The following HPSE2 variants were observed in gnomAD, a reference collection of about 807,000 sequenced individuals.
The protein encoded by HPSE2 is heparanase 2 (inactive), also known as inactive heparanase-2.
A neutral mutation model predicts 60.5 loss-of-function variants in HPSE2; 38 were observed. That is an observed-to-expected ratio of 0.63 (90% CI 0.48 to 0.82). The LOEUF is 0.82. HPSE2 is among the 40% of genes least tolerant of loss of function. The pLI, the probability that HPSE2 is intolerant of heterozygous loss-of-function variation, is 0.00. For synonymous variants in HPSE2, 295 were observed against 293.2 expected, an observed-to-expected ratio of 1.01 and a Z score of -0.06; for missense variants, 713 against 740.4, an observed-to-expected ratio of 0.96 and a Z score of 0.43.
chr10:99,298,326 T>G, the HPSE2 span, among the ~76,000 whole-genome samples: 1 of 152,234 alleles, frequency 6.6e-6, no homozygotes, highest in Admixed American at 6.5e-5. Flanking sequence ...CACCTTGCTA[T>G]CAATAGAAAG....
At chr10:99,202,871 G>A (rs2133888746) in intron 2 of HPSE2, among the ~76,000 whole-genome samples, 1 of 152,174 alleles carries the variant, frequency 6.6e-6, no homozygotes, top group East Asian at 1.9e-4. Flanking sequence ...GAGAATAAGA[G>A]GGACAATTTT....
At chr10:99,009,306 G>C (rs1455620577) in intron 3 of HPSE2, among the ~76,000 whole-genome samples, 1 of 148,436 alleles carries the variant, frequency 6.7e-6, no homozygotes, top group Non-Finnish European at 1.5e-5. Flanking sequence ...TGTAGGCCTA[G>C]CTACTCAGGA....
chr10:98,917,647 T>A (rs764305448), intron 3 of HPSE2, among the ~76,000 whole-genome samples: 3 of 152,214 alleles, frequency 2.0e-5, no homozygotes, highest in Non-Finnish European at 4.4e-5. Context: ...GAATGAGGAC[T>A]CAATAAATGG....
chr10:99,065,139 A>G (rs923747842), intron 3 of HPSE2, among the ~76,000 whole-genome samples: 1 of 152,184 alleles, frequency 6.6e-6, no homozygotes, highest in Non-Finnish European at 1.5e-5. Flanking sequence ...TCTCTGGTAC[A>G]AGACCACCAG....
At chr10:99,096,875 G>A (rs1307856393) in intron 3 of HPSE2, among the ~76,000 whole-genome samples, 3 of 152,164 alleles carry the variant, frequency 2.0e-5, no homozygotes, top group Admixed American at 1.3e-4. Flanking sequence ...AGAGGCAGCT[G>A]GCTGGCTCAG....
chr10:99,086,151 A>G (rs1843307692), intron 3 of HPSE2, among the ~76,000 whole-genome samples: 1 of 152,104 alleles, frequency 6.6e-6, no homozygotes, highest in Admixed American at 6.5e-5. Context: ...ATAGTATAGT[A>G]TGTCTGGCCC....
chr10:98,612,946 C>T (rs1027793916), intron 9 of HPSE2, among the ~76,000 whole-genome samples: 3 of 152,132 alleles, frequency 2.0e-5, no homozygotes, highest in African/African-American at 7.2e-5. Context: ...ATGCCCCGGT[C>T]ACCCTAGTGT....
intron 9 of HPSE2, among the ~76,000 whole-genome samples, chr10:98,575,464 C>T (rs547755014): frequency 5.9e-5 from 9 of 152,108 alleles, no homozygotes; most frequent in South Asian, 2.1e-4. Context: ...TGAAGTCAAA[C>T]GGTGAATTTG....
At chr10:99,119,051 A>AAGAAAGAAAGAGAG (rs1564822200) in intron 3 of HPSE2, among the ~76,000 whole-genome samples, 1 of 145,862 alleles carries the variant, frequency 6.9e-6, no homozygotes, top group African/African-American at 2.5e-5. Flanking sequence ...AAAGAAAAGA[A>AAGAAAGAAAGAGAG]AGAAAGAAAG....
At position 98,575,162 on chromosome 10, in the gene HPSE2, A is replaced by T. The variant is rs966324105; in HGVS notation, c.1320+39742T>A. ...CCTCAGTTTAAGCAACCAATTATGG[A>T]TCATGAGAAGAATTTACCTTCATTT... On this transcript the variant is annotated intron_variant, in intron 9 of 11. Coordinates refer to ENST00000370552, the MANE Select transcript of HPSE2 (RefSeq NM_021828.5). 3.3e-5 allele frequency among the ~76,000 whole-genome samples: 5 copies of T among 152,278 alleles called. No homozygotes were observed. The East Asian group carries it at 9.7e-4, about 29-fold the overall frequency.
chr10:98,853,750 G>A (rs533525696), intron 3 of HPSE2, among the ~76,000 whole-genome samples: 3 of 152,226 alleles, frequency 2.0e-5, no homozygotes, highest in East Asian at 1.9e-4. Flanking sequence ...AGCCACAAGC[G>A]ATAACCCAAA....
At position 98,935,977 on chromosome 10, in the gene HPSE2, T is replaced by C. The variant is rs1354718396; in HGVS notation, c.611-191921A>G. ...TCTGTAAGCCCCTGACTGGAGCTGG[T>C]GGACTCCTGCAGGGATGCCCTGCCC... On this transcript the variant is annotated intron_variant, in intron 3 of 11. Transcript: ENST00000370552. Among the ~76,000 whole-genome samples, 3 of 144,770 alleles carry C rather than the reference T, an allele frequency of 2.1e-5. 1 individual carries two copies. Among genetic ancestry groups the C allele is most frequent in the Non-Finnish European group, 4.5e-5 (3 of 67,246 alleles). 95.0% of individuals were successfully genotyped at this position (144,770 alleles called of 152,430 possible).
At chr10:99,216,216 G>T (rs1030072231) in intron 2 of HPSE2, among the ~76,000 whole-genome samples, 12 of 103,806 alleles carry the variant, frequency 1.2e-4, no homozygotes, top group African/African-American at 4.1e-4. Context: ...TTTTTTCTGA[G>T]ACAGAGTTTC....
intron 6 of HPSE2, among the ~76,000 whole-genome samples, chr10:98,653,123 C>A (rs938538969): frequency 6.6e-6 from 1 of 152,138 alleles, no homozygotes; most frequent in South Asian, 2.1e-4. Context: ...CTCTTTATCC[C>A]TGTTAATTGT....
Position 98,857,115 on chromosome 10 carries a change from T to C in HPSE2, c.611-113059A>G, listed in dbSNP as rs151159921. On this transcript the variant is annotated intron_variant, in intron 3 of 11. Coordinates refer to ENST00000370552, the MANE Select transcript of HPSE2 (RefSeq NM_021828.5). The stretch of plus-strand genomic sequence containing the variant: ...CTCAGAGGCATCATCTTTCAGGAGA[T>C]AGCAGACTAAATCTGTAAAGTCAGA... 3.5e-3 allele frequency among the ~76,000 whole-genome samples: 530 copies of C among 152,292 alleles called. 5 individuals carry two copies. Among genetic ancestry groups the C allele is most frequent in the Middle Eastern group, 0.014 (4 of 294 alleles).
chr10:99,131,307 C>T (rs935443386), intron 3 of HPSE2, among the ~76,000 whole-genome samples: 1 of 152,138 alleles, frequency 6.6e-6, no homozygotes, highest in African/African-American at 2.4e-5. Context: ...AGCAGAACTA[C>T]CATTTGATCC....
chr10:98,551,445 A>G (rs1174594232), intron 9 of HPSE2, among the ~76,000 whole-genome samples: 1 of 152,152 alleles, frequency 6.6e-6, no homozygotes, highest in Non-Finnish European at 1.5e-5. Flanking sequence ...AAAAGTATCT[A>G]TTCCCCACTG....
intron 3 of HPSE2, among the ~76,000 whole-genome samples, chr10:98,857,700 T>A (rs1171628823): frequency 6.6e-6 from 1 of 152,130 alleles, no homozygotes; most frequent in Non-Finnish European, 1.5e-5. Context: ...GAATTAAATG[T>A]ATGTGACTTT....
chr10:98,615,756 C>T (rs1330885991), intron 8 of HPSE2, among the ~76,000 whole-genome samples: 3 of 152,204 alleles, frequency 2.0e-5, no homozygotes, highest in African/African-American at 7.2e-5. Flanking sequence ...ATTATTTACA[C>T]ATTCATGCAT....
Sources: gnomAD v4.1 joint callset for allele counts (sites outside exome capture counted in the v4.1 genomes callset) on GRCh38, gnomAD v4.1.1 for gene constraint, MANE v1.5 for transcripts, NCBI Gene and HGNC (gene_info 2026-07-23, HGNC 2026-07-21) for gene names.